The following SPAG16 variants were observed in gnomAD, a reference collection of about 807,000 sequenced individuals.
The protein encoded by SPAG16 is sperm-associated antigen 16 protein.
In SPAG16, 86 loss-of-function variants were observed where a neutral mutation model predicts 80.4. The ratio of observed to expected loss-of-function variants is 1.07; its 90% confidence interval spans 0.90 to 1.28. SPAG16 has a LOEUF of 1.28. Ranked by LOEUF, SPAG16 falls within the 50% of genes most tolerant of loss-of-function variation. SPAG16 has a pLI of 0.00. For synonymous variants in SPAG16, 294 were observed against 265.9 expected (o/e 1.11, Z -1.03); for missense variants, 870 against 765.3 (o/e 1.14, Z -1.61).
rs148872761 is a variant in SPAG16, at chr2:213,836,009, C to A, written c.1071-26476C>A. On this transcript the variant is annotated intron_variant, in intron 10 of 15. Coordinates refer to ENST00000331683, the MANE Select transcript of SPAG16 (RefSeq NM_024532.5). ...GTTTGTATATGTTGATAAGTGGTTT[C>A]TTTATATGAGACAAATTCAGTGGAA... Among the ~76,000 whole-genome samples the A allele has an allele frequency of 1.3e-3, 193 of 152,154 alleles. No homozygotes were observed. In the Middle Eastern group the frequency reaches 0.014, roughly 11 times the overall value.
intron 14 of SPAG16, among the ~76,000 whole-genome samples, chr2:214,137,340 TTA>T (rs1203869651): frequency 3.3e-5 from 5 of 152,124 alleles, no homozygotes; most frequent in African/African-American, 1.2e-4. Flanking sequence ...AGTTATATAT[TTA>T]TATATGTTAT....
At chr2:214,022,922 C>T (rs2047949830) in intron 13 of SPAG16, among the ~76,000 whole-genome samples, 1 of 151,916 alleles carries the variant, frequency 6.6e-6, no homozygotes, top group African/African-American at 2.4e-5. Context: ...CAAATTCTAT[C>T]CTCTTCCTTC....
intron 6 of SPAG16, among the ~76,000 whole-genome samples, chr2:213,347,165 A>AT (rs2065042764): frequency 6.6e-6 from 1 of 152,042 alleles, no homozygotes; most frequent in Admixed American, 6.5e-5. Context: ...TTTCTAGTTT[A>AT]TTTGCATAGA....
chr2:214,195,321 A>ATAGATAGATAGG (rs1335228883), intron 15 of SPAG16, among the ~76,000 whole-genome samples: 1 of 151,912 alleles, frequency 6.6e-6, no homozygotes, highest in Non-Finnish European at 1.5e-5. Context: ...AGATAGATAG[A>ATAGATAGATAGG]TAGATAGATA....
chr2:213,528,908 A>G (rs943597951), intron 10 of SPAG16, among the ~76,000 whole-genome samples: 27 of 152,186 alleles, frequency 1.8e-4, no homozygotes, highest in Admixed American at 1.8e-3. Context: ...GATCTAAATG[A>G]AAGAAGTATT....
At chr2:213,676,170 T>G (rs2064062156) in intron 10 of SPAG16, among the ~76,000 whole-genome samples, 1 of 151,674 alleles carries the variant, frequency 6.6e-6, no homozygotes, top group East Asian at 1.9e-4. Context: ...AGTTCACTCA[T>G]GATTTGGCTC....
chr2:213,490,912 C>T (rs533811760), intron 10 of SPAG16, among the ~76,000 whole-genome samples: 47 of 152,182 alleles, frequency 3.1e-4, no homozygotes, highest in African/African-American at 1.1e-3. Context: ...TCAGAAGAGA[C>T]ATTAACCACT....
chr2:214,207,946 G>A (rs889235089), intron 15 of SPAG16, among the ~76,000 whole-genome samples: 1 of 152,176 alleles, frequency 6.6e-6, no homozygotes, highest in Non-Finnish European at 1.5e-5. Flanking sequence ...AGGCTCTCAG[G>A]CCTTCGGCCA....
At chr2:214,206,576 A>G (rs1275895360) in intron 15 of SPAG16, among the ~76,000 whole-genome samples, 1 of 152,208 alleles carries the variant, frequency 6.6e-6, no homozygotes, top group Non-Finnish European at 1.5e-5. Context: ...ATGCTGCAGT[A>G]AACATGGGAG....
At chr2:213,543,889 T>C (rs1476868166) in intron 10 of SPAG16, among the ~76,000 whole-genome samples, 2 of 152,146 alleles carry the variant, frequency 1.3e-5, no homozygotes, top group Non-Finnish European at 2.9e-5. Flanking sequence ...AATTTTGGGA[T>C]AATTGGAATA....
At chr2:213,932,185 TATATATATATA>T (rs1559602603) in intron 12 of SPAG16, among the ~76,000 whole-genome samples, 21 of 23,968 alleles carry the variant, frequency 8.8e-4, no homozygotes, top group African/African-American at 1.4e-3. Flanking sequence ...TATATATATA[TATATATATATA>T]TATTTGTTGT....
intron 11 of SPAG16, among the ~76,000 whole-genome samples, chr2:213,878,378 T>G (rs1375160433): frequency 6.6e-6 from 1 of 152,008 alleles, no homozygotes; most frequent in Non-Finnish European, 1.5e-5. Flanking sequence ...TTCTAACTAG[T>G]TTAAGATGCT....
rs2070726231 is a variant in SPAG16, at chr2:213,791,959, A to AT, written c.1071-70522dup. On this transcript the variant is annotated intron_variant, in intron 10 of 15. Coordinates refer to ENST00000331683, the MANE Select transcript of SPAG16 (RefSeq NM_024532.5). ...TTCATTAACATATTAAAGACTGAGT[A>AT]TTTTGCAACACATTGGAAGCCAACT... Among the ~76,000 whole-genome samples, 5 of 152,324 alleles carry AT rather than the reference A, an allele frequency of 3.3e-5. No homozygotes were observed. In the South Asian group the frequency reaches 1.0e-3, roughly 32 times the overall value.
At chr2:214,286,825 A>C (rs1166379733) in intron 15 of SPAG16, among the ~76,000 whole-genome samples, 2 of 152,188 alleles carry the variant, frequency 1.3e-5, no homozygotes, top group African/African-American at 4.8e-5. Flanking sequence ...CATTAGAATC[A>C]CTAAAAATGA....
chr2:214,384,891 T>G (rs139984052), intron 15 of SPAG16, among the ~76,000 whole-genome samples: 2 of 152,236 alleles, frequency 1.3e-5, no homozygotes, highest in Non-Finnish European at 2.9e-5. Context: ...CTGAGTCAAG[T>G]TGAATTCCTA....
chr2:214,371,885 T>C (rs1699843183), intron 15 of SPAG16, among the ~76,000 whole-genome samples: 1 of 151,980 alleles, frequency 6.6e-6, no homozygotes, highest in Non-Finnish European at 1.5e-5. Flanking sequence ...TTCACCATGT[T>C]GGCCAGGCTG....
intron 15 of SPAG16, among the ~76,000 whole-genome samples, chr2:214,264,138 C>T (rs1691375661): frequency 6.6e-6 from 1 of 152,156 alleles, no homozygotes; most frequent in Non-Finnish European, 1.5e-5. Context: ...CCTCTCTCTG[C>T]CTATACTCCC....
intron 10 of SPAG16, among the ~76,000 whole-genome samples, chr2:213,797,451 G>A (rs1009849252): frequency 6.6e-6 from 1 of 152,044 alleles, no homozygotes; most frequent in African/African-American, 2.4e-5. Context: ...ACTTTTCTAT[G>A]TTTAGATATG....
intron 9 of SPAG16, among the ~76,000 whole-genome samples, chr2:213,447,837 T>C (rs902542643): frequency 6.6e-6 from 1 of 152,234 alleles, no homozygotes; most frequent in Non-Finnish European, 1.5e-5. Flanking sequence ...ATAATGTTGG[T>C]TCGAGCTCAA....
Sources: allele counts gnomAD v4.1 joint callset (sites outside exome capture counted in the v4.1 genomes callset), GRCh38; gene constraint gnomAD v4.1.1; transcripts MANE v1.5; gene names NCBI Gene and HGNC (gene_info 2026-07-23, HGNC 2026-07-21).